Variants in PRKCE observed in about 807,000 individuals in gnomAD.
PRKCE encodes protein kinase C epsilon.
PRKCE carries 16 observed loss-of-function variants against 85.4 expected under a neutral mutation model. The ratio of observed to expected loss-of-function variants is 0.19; its 90% CI spans 0.13 to 0.28. The LOEUF (loss-of-function observed/expected upper bound fraction) is 0.28. Among genes scored for constraint, PRKCE ranks in the 10% least tolerant of loss-of-function variants. The pLI, the probability that PRKCE is intolerant of heterozygous loss-of-function variation, is 1.00. For missense variants in PRKCE, 573 were observed against 975.2 expected (o/e 0.59, Z 5.49); for synonymous variants, 388 against 371.5 (o/e 1.04, Z -0.51).
intron 2 of PRKCE, among the ~76,000 whole-genome samples, chr2:45,959,898 TC>T (rs1381088652): frequency 6.6e-6 from 1 of 152,196 alleles, no homozygotes; most frequent in African/African-American, 2.4e-5. Context: ...GTTTTAATTT[TC>T]CGGGTTTTAT....
intron 1 of PRKCE, among the ~76,000 whole-genome samples, chr2:45,716,456 G>A (rs190748950): frequency 6.6e-6 from 1 of 152,178 alleles, no homozygotes; most frequent in Non-Finnish European, 1.5e-5. Context: ...AGCAGAAGTT[G>A]CAGAGAGCCA....
At chr2:46,161,359 C>A (rs1677739794) in intron 14 of PRKCE, among the ~76,000 whole-genome samples, 1 of 152,230 alleles carries the variant, frequency 6.6e-6, no homozygotes, top group South Asian at 2.1e-4. Context: ...CTAAGTTAAT[C>A]AACCCAAAGA....
chr2:45,691,726 T>C (rs889002282), intron 1 of PRKCE, among the ~76,000 whole-genome samples: 6 of 152,202 alleles, frequency 3.9e-5, no homozygotes, highest in Non-Finnish European at 8.8e-5. Context: ...ATTTGGTATT[T>C]GAGGTCATTA....
At chr2:45,931,800 G>A (rs1269493704) in intron 2 of PRKCE, among the ~76,000 whole-genome samples, 1 of 151,916 alleles carries the variant, frequency 6.6e-6, no homozygotes, top group African/African-American at 2.4e-5. Flanking sequence ...TTCGCCTCCC[G>A]GGTTGCAGCG....
chr2:46,044,626 A>C (rs1024905789), intron 10 of PRKCE, among the ~76,000 whole-genome samples: 1 of 152,192 alleles, frequency 6.6e-6, no homozygotes, highest in African/African-American at 2.4e-5. Context: ...TTAGCATTTT[A>C]AATGCAAAGT....
chr2:45,761,264 T>C (rs1023937431), intron 1 of PRKCE, among the ~76,000 whole-genome samples: 2 of 138,178 alleles, frequency 1.4e-5, no homozygotes, highest in Non-Finnish European at 3.0e-5. Context: ...GAGGCAGAGC[T>C]TGCAGTAAGC....
intron 1 of PRKCE, among the ~76,000 whole-genome samples, chr2:45,797,894 T>C (rs1415520210): frequency 6.6e-6 from 1 of 152,232 alleles, no homozygotes; most frequent in Non-Finnish European, 1.5e-5. Flanking sequence ...TTTAGCTGGA[T>C]TGTAGCTGGA....
At position 45,791,824 on chromosome 2, in the gene PRKCE, C is replaced by T. The variant is rs745741552; in HGVS notation, c.349-51176C>T. 9.9e-5 allele frequency among the ~76,000 whole-genome samples: 15 copies of T among 152,158 alleles called. No individual in the cohort carries two copies. The East Asian group carries it at 1.7e-3, about 18-fold the overall frequency. On this transcript the variant is annotated intron_variant, in intron 1 of 14. Coordinates refer to ENST00000306156, the MANE Select transcript of PRKCE (RefSeq NM_005400.3). ...CAGTGGAGCATAATGGTCAGGAGCA[C>T]GGGCTTTGACCCCAGCTCTCTCAAT... is the stretch of plus-strand genomic sequence containing the variant.
chr2:45,706,748 T>C (rs927448117), intron 1 of PRKCE, among the ~76,000 whole-genome samples: 1 of 152,138 alleles, frequency 6.6e-6, no homozygotes, highest in Non-Finnish European at 1.5e-5. Context: ...CTGTCTTCTG[T>C]GTGTAAGAGA....
chr2:45,658,003 A>G (rs542814087), intron 1 of PRKCE, among the ~76,000 whole-genome samples: 1 of 152,352 alleles, frequency 6.6e-6, no homozygotes, highest in Non-Finnish European at 1.5e-5. Flanking sequence ...ATGTTACTCT[A>G]GAGCACATCT....
intron 10 of PRKCE, chr2:46,077,960 ACTTT>A (rs796255437): frequency 2.6e-5 from 4 of 152,310 alleles, no homozygotes; most frequent in African/African-American, 9.6e-5. Flanking sequence ...TGATGGTTGT[ACTTT>A]CTTTGTGGCT....
chr2:46,071,894 C>T (rs746688431), intron 10 of PRKCE, among the ~76,000 whole-genome samples: 14 of 152,170 alleles, frequency 9.2e-5, no homozygotes, highest in Non-Finnish European at 1.6e-4. Flanking sequence ...GCTTTTGTTC[C>T]ACTCCTACAG....
At chr2:45,872,466 T>C (rs1246503488) in intron 2 of PRKCE, among the ~76,000 whole-genome samples, 3 of 151,892 alleles carry the variant, frequency 2.0e-5, no homozygotes, top group South Asian at 2.1e-4. Context: ...TGCAGAGGAG[T>C]GGCCTGACCT....
chr2:45,656,721 A>C (rs1008957934), intron 1 of PRKCE, among the ~76,000 whole-genome samples: 8 of 152,228 alleles, frequency 5.3e-5, no homozygotes, highest in African/African-American at 1.9e-4. Flanking sequence ...ATTTGGAATA[A>C]GCTGGGAATC....
chr2:46,017,968 G>T (rs1191893233), intron 10 of PRKCE, among the ~76,000 whole-genome samples: 1 of 152,064 alleles, frequency 6.6e-6, no homozygotes, highest in Non-Finnish European at 1.5e-5. Context: ...ACTTCAAATA[G>T]CCTCACCTCC....
intron 1 of PRKCE, among the ~76,000 whole-genome samples, chr2:45,734,200 A>G (rs189154920): frequency 1.5e-4 from 23 of 152,250 alleles, no homozygotes; most frequent in South Asian, 2.1e-4. Context: ...CCCCGTCTCT[A>G]CTAAAAATAC....
intron 1 of PRKCE, among the ~76,000 whole-genome samples, chr2:45,708,376 ATTCCCACATG>A (rs1553384099): frequency 6.6e-6 from 1 of 152,192 alleles, no homozygotes; most frequent in Non-Finnish European, 1.5e-5. Context: ...CTCATCTTGA[ATTCCCACATG>A]TTGTGGGAAG....
At chr2:45,662,864 C>CAAGG (rs1177782459) in intron 1 of PRKCE, among the ~76,000 whole-genome samples, 1 of 17,996 alleles carries the variant, frequency 5.6e-5, no homozygotes, top group Non-Finnish European at 2.2e-4. Flanking sequence ...ACTCTGAAAA[C>CAAGG]AAGCAAGCAA....
intron 1 of PRKCE, among the ~76,000 whole-genome samples, chr2:45,660,056 TTGAATGAA>T (rs372022691): frequency 4.6e-5 from 7 of 152,046 alleles, no homozygotes; most frequent in Admixed American, 2.0e-4. Flanking sequence ...TGGCACATTG[TTGAATGAA>T]TGAATGAATG....
Sources: gnomAD v4.1 joint callset for allele counts (sites outside exome capture counted in the v4.1 genomes callset) on GRCh38, gnomAD v4.1.1 for gene constraint, MANE v1.5 for transcripts, NCBI Gene and HGNC (gene_info 2026-07-23, HGNC 2026-07-21) for gene names.